BRD10: variants seen among roughly 807,000 people sequenced by gnomAD.
The protein encoded by BRD10 is uncharacterized bromodomain-containing protein 10.
the BRD10 span, chr9:5,907,032 G>A: frequency 5.1e-6 from 7 of 1,373,916 alleles, no homozygotes; most frequent in Non-Finnish European, 7.0e-6. Context: ...GTATTTTCAT[G>A]AATGGCTGTT....
chr9:5,908,206 A>G, the BRD10 span, among the ~76,000 whole-genome samples: 1 of 152,206 alleles, frequency 6.6e-6, no homozygotes, highest in Non-Finnish European at 1.5e-5. Context: ...TGTGAGCATT[A>G]AATGAAGCCC....
the BRD10 span, among the ~76,000 whole-genome samples, chr9:5,934,435 G>A: frequency 6.8e-6 from 1 of 146,790 alleles, no homozygotes; most frequent in East Asian, 2.0e-4. Context: ...GTCGGCTCAT[G>A]GCAACCTCCA....
At chr9:5,965,948 C>T in the BRD10 span, among the ~76,000 whole-genome samples, 10 of 152,062 alleles carry the variant, frequency 6.6e-5, no homozygotes, top group Non-Finnish European at 1.0e-4. Flanking sequence ...GTTTATGTAA[C>T]ATTGTTATAT....
At chr9:5,983,929 C>A in the BRD10 span, among the ~76,000 whole-genome samples, 3 of 143,454 alleles carry the variant, frequency 2.1e-5, no homozygotes, top group Non-Finnish European at 4.6e-5. Flanking sequence ...TAGGAAAAAA[C>A]CTGTCAATAC....
chr9:5,959,581 T>C, the BRD10 span, among the ~76,000 whole-genome samples: 7,007 of 152,138 alleles, frequency 0.046, 431 homozygotes, highest in African/African-American at 0.14. Flanking sequence ...GTATAGTAAA[T>C]CCTTTCACTC....
At chr9:5,921,134 C>G in the BRD10 span, 2 of 1,613,928 alleles carry the variant, frequency 1.2e-6, no homozygotes, top group Non-Finnish European at 1.7e-6. Context: ...TGAATTACCA[C>G]TTGTTGACAA....
chr9:5,880,546 C>CA, the BRD10 span, among the ~76,000 whole-genome samples: 267 of 151,860 alleles, frequency 1.8e-3, 1 homozygote, highest in African/African-American at 4.7e-3. Context: ...AACAAACAAA[C>CA]AAAAAAACAC....
At chr9:5,949,046 T>G in the BRD10 span, among the ~76,000 whole-genome samples, 1 of 152,144 alleles carries the variant, frequency 6.6e-6, no homozygotes, top group East Asian at 1.9e-4. Flanking sequence ...CTCAATGAAC[T>G]ATATATATTT....
chr9:5,968,645 T>C, the BRD10 span: 3 of 1,613,878 alleles, frequency 1.9e-6, no homozygotes, highest in Non-Finnish European at 2.5e-6. Context: ...GGGCAGGCTA[T>C]CTCTGCTACA....
chr9:5,953,982 T>C, the BRD10 span: 141 of 1,342,476 alleles, frequency 1.1e-4, no homozygotes, highest in African/African-American at 4.5e-4. Context: ...AAACAAAAAA[T>C]TGAAAAATTT....
At chr9:5,927,287 T>A in the BRD10 span, among the ~76,000 whole-genome samples, 2 of 152,192 alleles carry the variant, frequency 1.3e-5, no homozygotes, top group East Asian at 3.8e-4. Context: ...CTACCTAAGC[T>A]AACACCTCCA....
the BRD10 span, among the ~76,000 whole-genome samples, chr9:5,957,386 A>T: frequency 6.6e-6 from 1 of 152,162 alleles, no homozygotes; most frequent in African/African-American, 2.4e-5. Flanking sequence ...ATTGATTCCT[A>T]CCATGTGCCA....
chr9:5,982,493 G>A, the BRD10 span, among the ~76,000 whole-genome samples: 1 of 152,128 alleles, frequency 6.6e-6, no homozygotes, highest in Non-Finnish European at 1.5e-5. Flanking sequence ...GATTAATGAG[G>A]TATCATGGGA....
At chr9:5,969,464 T>C in the BRD10 span, 2 of 1,382,564 alleles carry the variant, frequency 1.4e-6, no homozygotes, top group Non-Finnish European at 1.9e-6. Context: ...ATTATACTAT[T>C]ATTATTCAGA....
chr9:5,916,482 T>C, the BRD10 span, among the ~76,000 whole-genome samples: 1 of 150,660 alleles, frequency 6.6e-6, no homozygotes, highest in Non-Finnish European at 1.5e-5. Flanking sequence ...GTATTACACA[T>C]GTATGTGTGT....
At chr9:5,914,410 G>GTTGTTTT in the BRD10 span, among the ~76,000 whole-genome samples, 1 of 75,458 alleles carries the variant, frequency 1.3e-5, no homozygotes. Context: ...AATCCAGATG[G>GTTGTTTT]TTTTTTTTTT....
the BRD10 span, among the ~76,000 whole-genome samples, chr9:5,954,556 G>A: frequency 6.6e-6 from 1 of 152,148 alleles, no homozygotes; most frequent in Non-Finnish European, 1.5e-5. Context: ...AGTAGCTTAG[G>A]TAACAAAGTT....
the BRD10 span, among the ~76,000 whole-genome samples, chr9:5,930,767 G>GC: frequency 6.6e-6 from 1 of 152,084 alleles, no homozygotes; most frequent in African/African-American, 2.4e-5. Flanking sequence ...CACAAAGGAC[G>GC]CAAGTTAAAA....
the BRD10 span, among the ~76,000 whole-genome samples, chr9:5,946,842 T>C: frequency 1.1e-4 from 16 of 152,136 alleles, no homozygotes; most frequent in African/African-American, 3.6e-4. Flanking sequence ...TGAAAACATA[T>C]ACTCCTACAA....
Sources: gnomAD v4.1 joint callset for allele counts (sites outside exome capture counted in the v4.1 genomes callset) on GRCh38, gnomAD v4.1.1 for gene constraint, MANE v1.5 for transcripts, NCBI Gene and HGNC (gene_info 2026-07-23, HGNC 2026-07-21) for gene names.